PRKCH: variants seen among roughly 807,000 people sequenced by gnomAD.
PRKCH encodes the protein protein kinase C eta, also known as protein kinase C eta type.
Under a neutral mutation model 82.5 loss-of-function variants are expected in PRKCH, and 28 were observed. That is an observed-to-expected ratio of 0.34 (90% CI 0.25 to 0.47). The LOEUF (loss-of-function observed/expected upper bound fraction) is 0.47, where lower values mean the gene tolerates loss of function less well. Ranked by LOEUF, PRKCH falls within the 20% of genes least tolerant of loss-of-function variation. The probability of loss-of-function intolerance (pLI) is 1.00; values close to 1 mark genes in which losing one functional copy is unlikely to be tolerated. For missense variants in PRKCH, 705 were observed against 881.8 expected (o/e 0.80, Z 2.54); for synonymous variants, 322 against 327.4 (o/e 0.98, Z 0.18).
intron 9 of PRKCH, among the ~76,000 whole-genome samples, chr14:61,484,604 A>C (rs1315467979): frequency 6.6e-6 from 1 of 152,116 alleles, no homozygotes; most frequent in East Asian, 1.9e-4. Flanking sequence ...TACACTGCAT[A>C]GTGACTTTTA....
intron 10 of PRKCH, among the ~76,000 whole-genome samples, chr14:61,524,219 A>T (rs755064062): frequency 3.9e-5 from 6 of 152,206 alleles, no homozygotes; most frequent in African/African-American, 7.2e-5. Context: ...GAAACAAAAT[A>T]AATCCAATTT....
At chr14:61,300,330 A>G (rs2045439434) in intron 1 of PRKCH, among the ~76,000 whole-genome samples, 1 of 152,258 alleles carries the variant, frequency 6.6e-6, no homozygotes, top group Non-Finnish European at 1.5e-5. Context: ...GACCAATAGT[A>G]TATTCTGACT....
chr14:61,368,807 T>C (rs568842828), intron 1 of PRKCH, among the ~76,000 whole-genome samples: 5 of 152,280 alleles, frequency 3.3e-5, no homozygotes. Flanking sequence ...TTGTACCCTT[T>C]GAAAATGACA....
chr14:61,432,391 A>G (rs1466329322), intron 2 of PRKCH, among the ~76,000 whole-genome samples: 1 of 152,194 alleles, frequency 6.6e-6, no homozygotes, highest in African/African-American at 2.4e-5. Context: ...TCCTTCTTCA[A>G]GTAGATTCTC....
At position 61,329,831 on chromosome 14, in the gene PRKCH, A is replaced by G. The variant is rs536466378; in HGVS notation, c.363+7367A>G. On this transcript the variant is annotated intron_variant, in intron 1 of 13. Coordinates refer to ENST00000332981, the MANE Select transcript of PRKCH (RefSeq NM_006255.5). ...TCCTCCAACCTGAAAGAACGGACGTATGAATGGATTGGCCTCTAATGGAAG... is the reference window on the plus strand; with the variant it reads ...TCCTCCAACCTGAAAGAACGGACGTGTGAATGGATTGGCCTCTAATGGAAG... 3.9e-5 allele frequency among the ~76,000 whole-genome samples: 6 copies of G among 152,306 alleles called. No individual in the cohort carries two copies. The South Asian group carries it at 1.2e-3, about 32-fold the overall frequency.
intron 1 of PRKCH, among the ~76,000 whole-genome samples, chr14:61,329,778 G>A (rs899118740): frequency 2.6e-5 from 4 of 152,158 alleles, no homozygotes; most frequent in Non-Finnish European, 5.9e-5. Flanking sequence ...TGTTCCCTCA[G>A]TATCCTGAGA....
intron 1 of PRKCH, among the ~76,000 whole-genome samples, chr14:61,389,349 T>TA (rs111701252): frequency 0.12 from 17,779 of 144,458 alleles, 1,156 homozygotes; most frequent in African/African-American, 0.15. Flanking sequence ...GACTCTGTCT[T>TA]AAAAAAAAAA....
At chr14:61,328,352 C>G (rs527895705) in intron 1 of PRKCH, among the ~76,000 whole-genome samples, 1 of 140,986 alleles carries the variant, frequency 7.1e-6, no homozygotes, top group African/African-American at 2.7e-5. Flanking sequence ...ATGGAAAATT[C>G]CCTGCTCTTA....
chr14:61,542,890 A>G (rs946980563), intron 12 of PRKCH, among the ~76,000 whole-genome samples: 1 of 152,244 alleles, frequency 6.6e-6, no homozygotes, highest in Non-Finnish European at 1.5e-5. Flanking sequence ...GATGTTCACT[A>G]ATACTATCAT....
intron 9 of PRKCH, among the ~76,000 whole-genome samples, chr14:61,478,466 G>A (rs147654839): frequency 2.8e-4 from 43 of 152,232 alleles, no homozygotes; most frequent in African/African-American, 9.4e-4. Flanking sequence ...TTCTGGGCTT[G>A]GCACTGTATG....
At position 61,225,498 on chromosome 14, in the gene PRKCH, C is replaced by T. The variant is rs552407324; in HGVS notation, c.-19+37830C>T. On this transcript the variant is annotated intron_variant, in intron 1 of 3. Transcript: ENST00000555185. Reference sequence around the variant, plus strand: ...GGCGGTGTGCTGTGAAGACACTGAGCGCAGAACACCCACTCTGTCCTCTGT... The same window carrying T: ...GGCGGTGTGCTGTGAAGACACTGAGTGCAGAACACCCACTCTGTCCTCTGT... Among the ~76,000 whole-genome samples, 22 of 152,246 alleles carry T rather than the reference C, an allele frequency of 1.4e-4. No individual in the cohort carries two copies. In the South Asian group the frequency reaches 3.3e-3, roughly 23 times the overall value.
intron 9 of PRKCH, among the ~76,000 whole-genome samples, chr14:61,471,444 G>T (rs1031469853): frequency 6.6e-6 from 1 of 151,994 alleles, no homozygotes; most frequent in Non-Finnish European, 1.5e-5. Context: ...ACACATCTCT[G>T]GCCAATCGCA....
At chr14:61,402,153 A>G (rs1361031466) in intron 2 of PRKCH, among the ~76,000 whole-genome samples, 1 of 152,228 alleles carries the variant, frequency 6.6e-6, no homozygotes. Context: ...AGATATGTCA[A>G]CATTTAGAAG....
intron 1 of PRKCH, among the ~76,000 whole-genome samples, chr14:61,308,753 C>T (rs561307378): frequency 3.9e-5 from 6 of 152,214 alleles, no homozygotes; most frequent in South Asian, 2.1e-4. Context: ...CTCAGCCTCC[C>T]GAGGAGCTAG....
At chr14:61,431,545 C>T (rs891441338) in intron 2 of PRKCH, among the ~76,000 whole-genome samples, 2 of 152,136 alleles carry the variant, frequency 1.3e-5, no homozygotes, top group East Asian at 3.9e-4. Flanking sequence ...CGAGTTGCTG[C>T]AGACCCATAT....
At chr14:61,534,265 A>C (rs1338952503) in intron 12 of PRKCH, among the ~76,000 whole-genome samples, 1 of 152,238 alleles carries the variant, frequency 6.6e-6, no homozygotes, top group Non-Finnish European at 1.5e-5. Flanking sequence ...TTGTACACCC[A>C]TGTCCATAGC....
chr14:61,447,385 A>G (rs553590729), intron 4 of PRKCH, among the ~76,000 whole-genome samples: 17 of 152,360 alleles, frequency 1.1e-4, no homozygotes, highest in African/African-American at 3.6e-4. Flanking sequence ...TGATAGATCC[A>G]GCAGGCAGGG....
At chr14:61,391,358 C>A in intron 2 of PRKCH, 70 bp downstream of exon 2, 1 of 1,280,632 alleles carries the variant, frequency 7.8e-7, no homozygotes. Flanking sequence ...GAATTTCTAT[C>A]ATGGACATTA....
At chr14:61,292,396 T>C (rs2045371260) in intron 1 of PRKCH, among the ~76,000 whole-genome samples, 1 of 151,768 alleles carries the variant, frequency 6.6e-6, no homozygotes, top group African/African-American at 2.4e-5. Context: ...ATGGGAGGAT[T>C]GCTTGAGCCC....
Sources: gnomAD v4.1 joint callset for allele counts (sites outside exome capture counted in the v4.1 genomes callset) on GRCh38, gnomAD v4.1.1 for gene constraint, MANE v1.5 for transcripts, NCBI Gene and HGNC (gene_info 2026-07-23, HGNC 2026-07-21) for gene names.